GPHN: variants seen among roughly 807,000 people sequenced by gnomAD.
GPHN encodes gephyrin.
In GPHN, 17 loss-of-function variants were observed where a neutral mutation model predicts 95.5. The ratio of observed to expected loss-of-function variants is 0.18; its 90% CI spans 0.12 to 0.27. The LOEUF (loss-of-function observed/expected upper bound fraction) is 0.27. Among genes scored for constraint, GPHN ranks in the 10% least tolerant of loss-of-function variants. GPHN has a pLI of 1.00. For synonymous variants in GPHN, 320 were observed against 322.5 expected (o/e 0.99, Z 0.08); for missense variants, 660 against 978.1 (o/e 0.67, Z 4.34).
At position 66,894,729 on chromosome 14, in the gene GPHN, T is replaced by G. The variant is rs530986667; in HGVS notation, c.389+14696T>G. ...AACAGACACTTCTCAAAAGAAGACA[T>G]TTATGCAGCCAACAGACACATGAAA... On this transcript the variant is annotated intron_variant, in intron 5 of 22. Coordinates refer to ENST00000478722, the MANE Select transcript of GPHN (RefSeq NM_020806.5). 4.6e-5 allele frequency among the ~76,000 whole-genome samples: 7 copies of G among 152,292 alleles called. No individual in the cohort carries two copies. The East Asian group carries it at 1.2e-3, about 25-fold the overall frequency.
At chr14:67,140,979 GTT>G (rs5809331) in intron 17 of GPHN, among the ~76,000 whole-genome samples, 5 of 148,982 alleles carry the variant, frequency 3.4e-5, no homozygotes, top group Admixed American at 1.3e-4. Flanking sequence ...TTATGTCAGG[GTT>G]TTTTTTTTTA....
the GPHN span, chr14:67,241,694 G>A: frequency 6.6e-6 from 1 of 152,370 alleles, no homozygotes; most frequent in Admixed American, 6.5e-5. Flanking sequence ...GCTTCCTCAG[G>A]CGCGCGAGCT....
intron 2 of GPHN, among the ~76,000 whole-genome samples, chr14:66,738,405 A>T (rs2072485624): frequency 6.6e-6 from 1 of 152,202 alleles, no homozygotes. Flanking sequence ...TAAAATGTTA[A>T]GCTACAAATA....
the GPHN span, among the ~76,000 whole-genome samples, chr14:67,625,254 G>C: frequency 1.3e-5 from 2 of 152,052 alleles, no homozygotes; most frequent in Non-Finnish European, 2.9e-5. Flanking sequence ...AACTGTTAGA[G>C]AACATAGGAC....
At chr14:66,984,836 T>C (rs532637866) in intron 9 of GPHN, among the ~76,000 whole-genome samples, 15 of 151,658 alleles carry the variant, frequency 9.9e-5, no homozygotes, top group African/African-American at 3.4e-4. Context: ...TCCCCTTTGC[T>C]CTTCACCCTG....
At chr14:67,096,655 G>A (rs1438975393) in intron 12 of GPHN, among the ~76,000 whole-genome samples, 2 of 133,184 alleles carry the variant, frequency 1.5e-5, no homozygotes, top group Non-Finnish European at 3.1e-5. Context: ...TCGCTATGTT[G>A]CTCTGGCTGG....
At chr14:66,928,923 C>T (rs986376189) in intron 8 of GPHN, among the ~76,000 whole-genome samples, 4 of 152,036 alleles carry the variant, frequency 2.6e-5, no homozygotes, top group African/African-American at 9.7e-5. Flanking sequence ...TGTGGCCTAA[C>T]ATATCGTCTG....
At chr14:66,977,115 G>A (rs1361512440) in intron 9 of GPHN, among the ~76,000 whole-genome samples, 1 of 152,140 alleles carries the variant, frequency 6.6e-6, no homozygotes, top group Admixed American at 6.5e-5. Flanking sequence ...CACATGTGTT[G>A]TATACCTGTG....
At chr14:67,098,369 T>A (rs1034041060) in intron 12 of GPHN, among the ~76,000 whole-genome samples, 4 of 152,162 alleles carry the variant, frequency 2.6e-5, no homozygotes, top group Non-Finnish European at 5.9e-5. Flanking sequence ...ATTATCCCCA[T>A]TTTTACCAAC....
chr14:67,393,312 C>A, the GPHN span: 1 of 1,014,356 alleles, frequency 9.9e-7, no homozygotes, highest in South Asian at 1.3e-5. Context: ...GGTCCTGAGT[C>A]ACTGCTAAGG....
At chr14:67,343,933 A>G in the GPHN span, among the ~76,000 whole-genome samples, 31 of 152,216 alleles carry the variant, frequency 2.0e-4, no homozygotes, top group African/African-American at 7.0e-4. Context: ...GATAACCTAC[A>G]TGTCACATTT....
chr14:67,281,453 A>G, the GPHN span, among the ~76,000 whole-genome samples: 1 of 152,134 alleles, frequency 6.6e-6, no homozygotes, highest in Non-Finnish European at 1.5e-5. Context: ...TTATTAGAGT[A>G]AAAATACTTC....
chr14:67,120,834 G>T (rs1402662641), intron 16 of GPHN, among the ~76,000 whole-genome samples: 1 of 152,176 alleles, frequency 6.6e-6, no homozygotes, highest in Non-Finnish European at 1.5e-5. Flanking sequence ...ATGTCACATG[G>T]CATCTGATTA....
At chr14:67,203,407 T>A in the GPHN span, 2 of 813,074 alleles carry the variant, frequency 2.5e-6, no homozygotes, top group Non-Finnish European at 3.7e-6. Flanking sequence ...TTACTCGCAC[T>A]CCCTGCTGCA....
At chr14:67,618,705 G>T in the GPHN span, among the ~76,000 whole-genome samples, 2 of 152,180 alleles carry the variant, frequency 1.3e-5, no homozygotes, top group Non-Finnish European at 1.5e-5. Context: ...GCTGTATCCA[G>T]GTGATGCTGA....
chr14:67,223,238 G>T, the GPHN span, among the ~76,000 whole-genome samples: 31 of 152,228 alleles, frequency 2.0e-4, no homozygotes, highest in Admixed American at 5.9e-4. Context: ...GACCTCAAGT[G>T]ATCCCCCTGC....
intron 9 of GPHN, among the ~76,000 whole-genome samples, chr14:66,994,298 G>A (rs1457027603): frequency 2.0e-5 from 3 of 151,900 alleles, no homozygotes; most frequent in East Asian, 1.9e-4. Context: ...CCCAGGAGGC[G>A]GAAGTTGCAG....
chr14:67,694,445 T>TAC, the GPHN span, among the ~76,000 whole-genome samples: 14 of 139,362 alleles, frequency 1.0e-4, no homozygotes, highest in Non-Finnish European at 1.9e-4. Context: ...TATATATATA[T>TAC]ATATATACAC....
the GPHN span, chr14:67,360,134 C>G: frequency 3.4e-5 from 14 of 417,616 alleles, no homozygotes; most frequent in Non-Finnish European, 5.1e-5. Context: ...TCTTCAGAGG[C>G]AAGGAATCGG....
Sources: gnomAD v4.1 joint callset for allele counts (sites outside exome capture counted in the v4.1 genomes callset) on GRCh38, gnomAD v4.1.1 for gene constraint, MANE v1.5 for transcripts, NCBI Gene and HGNC (gene_info 2026-07-23, HGNC 2026-07-21) for gene names.